SPAG16: variants seen among roughly 807,000 people sequenced by gnomAD.
SPAG16 encodes sperm associated antigen 16.
Under a neutral mutation model 80.4 loss-of-function variants are expected in SPAG16, and 86 were observed. The ratio of observed to expected loss-of-function variants is 1.07; its 90% confidence interval spans 0.90 to 1.28. SPAG16 has a LOEUF of 1.28. Among genes scored for constraint, SPAG16 ranks in the 50% most tolerant of loss-of-function variants. The pLI, the probability that SPAG16 is intolerant of heterozygous loss-of-function variation, is 0.00. For synonymous variants in SPAG16, 294 were observed against 265.9 expected, an observed-to-expected ratio of 1.11 and a Z score of -1.03; for missense variants, 870 against 765.3, an observed-to-expected ratio of 1.14 and a Z score of -1.61.
At chr2:213,849,927 C>G (rs530322193) in intron 10 of SPAG16, among the ~76,000 whole-genome samples, 1 of 152,070 alleles carries the variant, frequency 6.6e-6, no homozygotes, top group Non-Finnish European at 1.5e-5. Context: ...TGTAATGTAT[C>G]TTCTCAAACT....
chr2:213,478,821 A>C (rs1253501219), intron 9 of SPAG16, among the ~76,000 whole-genome samples: 1 of 152,144 alleles, frequency 6.6e-6, no homozygotes, highest in Non-Finnish European at 1.5e-5. Context: ...ATTCTTATCC[A>C]TTCATCTTCT....
At chr2:213,387,717 G>A (rs1218704112) in intron 9 of SPAG16, among the ~76,000 whole-genome samples, 3 of 151,534 alleles carry the variant, frequency 2.0e-5, no homozygotes, top group East Asian at 1.9e-4. Flanking sequence ...GCCTCCCAAA[G>A]TGCTGGGATT....
intron 9 of SPAG16, among the ~76,000 whole-genome samples, chr2:213,388,583 A>T (rs1171095630): frequency 6.6e-6 from 1 of 152,214 alleles, no homozygotes; most frequent in African/African-American, 2.4e-5. Flanking sequence ...TTAAAAAATA[A>T]ATAAACACAA....
chr2:214,141,441 C>A (rs955782358), intron 14 of SPAG16, among the ~76,000 whole-genome samples: 26 of 148,692 alleles, frequency 1.7e-4, no homozygotes, highest in African/African-American at 6.2e-4. Flanking sequence ...CACTCCAGCC[C>A]GGGTGACAGA....
chr2:213,661,245 G>A (rs970889980), intron 10 of SPAG16, among the ~76,000 whole-genome samples: 2 of 152,134 alleles, frequency 1.3e-5, no homozygotes, highest in African/African-American at 4.8e-5. Flanking sequence ...TGCCTCCATA[G>A]ACTTTAAAAG....
Position 213,862,495 on chromosome 2 carries a change from C to A in SPAG16, c.1081C>A (p.Gln361Lys), listed in dbSNP as rs774096226. The A allele has an allele frequency of 1.9e-6, 3 of 1,614,036 alleles. No homozygotes were observed. The highest frequency in any genetic ancestry group is 2.5e-6 in the Non-Finnish European group (3 of 1,179,906). ...TTTCTCCTCGCGCAGTGTCTCCATG[C>A]AACCCCACAAAGACATCCTAGTCTC... ...HELPVSCVSM[Q>K]PHKDILVSCG... Residue 361 changes from glutamine to lysine, a missense_variant, in exon 11 of 16, where the codon CAA becomes AAA. Coordinates refer to ENST00000331683, the MANE Select transcript of SPAG16 (RefSeq NM_024532.5).
chr2:213,988,988 G>A (rs1185098342), intron 12 of SPAG16, among the ~76,000 whole-genome samples: 1 of 152,090 alleles, frequency 6.6e-6, no homozygotes, highest in Non-Finnish European at 1.5e-5. Flanking sequence ...TATGGAAGTA[G>A]GCAGTGCAAG....
chr2:213,688,611 G>A (rs909999856), intron 10 of SPAG16, among the ~76,000 whole-genome samples: 1 of 152,004 alleles, frequency 6.6e-6, no homozygotes, highest in African/African-American at 2.4e-5. Context: ...TGGTTTGTAG[G>A]GCATGACTCC....
chr2:213,804,607 C>T (rs898533295), intron 10 of SPAG16, among the ~76,000 whole-genome samples: 1 of 152,154 alleles, frequency 6.6e-6, no homozygotes. Flanking sequence ...GGCGTGAACC[C>T]TGGAGGCGGA....
chr2:213,387,431 C>CTTTTTTTTT (rs71060428), intron 9 of SPAG16, among the ~76,000 whole-genome samples: 990 of 47,780 alleles, frequency 0.021, 211 homozygotes, highest in East Asian at 0.041. Context: ...AATGCATGCT[C>CTTTTTTTTT]TTTTTTTTTT....
intron 10 of SPAG16, among the ~76,000 whole-genome samples, chr2:213,756,188 A>T (rs1168113578): frequency 6.6e-6 from 1 of 152,140 alleles, no homozygotes; most frequent in African/African-American, 2.4e-5. Context: ...AAAAAAAGAA[A>T]AAAGTCTATG....
intron 15 of SPAG16, among the ~76,000 whole-genome samples, chr2:214,357,830 G>A (rs564713802): frequency 1.9e-4 from 29 of 151,912 alleles, no homozygotes; most frequent in Middle Eastern, 6.8e-3. Context: ...CTCTAGGGAA[G>A]GCTTATTCAT....
intron 13 of SPAG16, among the ~76,000 whole-genome samples, chr2:214,092,701 T>C (rs1020363401): frequency 1.3e-5 from 2 of 152,098 alleles, no homozygotes; most frequent in African/African-American, 4.8e-5. Context: ...GTCAGCTTCA[T>C]ACCCAACCTT....
Position 214,257,030 on chromosome 2 carries a change from G to A in SPAG16, c.1720+107764G>A, listed in dbSNP as rs146870881. Among the ~76,000 whole-genome samples, 256 of 151,926 alleles carry A rather than the reference G, an allele frequency of 1.7e-3. 1 individual carries two copies. The highest frequency in any genetic ancestry group is 5.2e-3 in the South Asian group (25 of 4,824). On this transcript the variant is annotated intron_variant, in intron 15 of 15. Transcript: ENST00000331683. ...AATTATATTTTGTATCTTGCAATCC[G>A]TGGAAATGATGAATCTCATGACTTA...
rs2061982094 is a variant in SPAG16, at chr2:213,284,592, G to A, written c.109G>A (p.Ala37Thr). The change falls in exon 1 of 16, where the codon GCG becomes ACG. Residue 37 changes from alanine to threonine, a missense_variant. Physicochemically the swap from Ala to Thr is moderately conservative, Grantham distance 58. Transcript: ENST00000331683. ...CGCGAGGGACACGGCGGACGCGGTG[G>A]CGGCTGAGGGCGCCTACTACCTGGA... The part of the protein sequence containing the change: ...GDARDTADAV[A>T]AEGAYYLEQV... The A allele has an allele frequency of 1.6e-5, 25 of 1,609,348 alleles. No individual in the cohort carries two copies. The highest frequency in any genetic ancestry group is 2.0e-5 in the Non-Finnish European group (24 of 1,178,592).
chr2:213,682,094 C>T (rs1231602761), intron 10 of SPAG16, among the ~76,000 whole-genome samples: 1 of 152,170 alleles, frequency 6.6e-6, no homozygotes, highest in Non-Finnish European at 1.5e-5. Context: ...TTCAAATAGG[C>T]TTATGTATCT....
chr2:213,700,018 T>C (rs1273154397), intron 10 of SPAG16, among the ~76,000 whole-genome samples: 2 of 152,260 alleles, frequency 1.3e-5, no homozygotes, highest in African/African-American at 2.4e-5. Flanking sequence ...AATAGTAGGC[T>C]ATGATTCCAA....
intron 15 of SPAG16, among the ~76,000 whole-genome samples, chr2:214,380,198 T>C (rs1249822238): frequency 6.6e-6 from 1 of 152,222 alleles, no homozygotes; most frequent in African/African-American, 2.4e-5. Context: ...CCTATAGTAA[T>C]GGCCTTTAAA....
At chr2:213,657,824 A>C (rs1334806024) in intron 10 of SPAG16, among the ~76,000 whole-genome samples, 1 of 150,538 alleles carries the variant, frequency 6.6e-6, no homozygotes, top group African/African-American at 2.5e-5. Flanking sequence ...CTTCTTTTAA[A>C]ATATTTTAGA....
Sources: gnomAD v4.1 joint callset for allele counts (sites outside exome capture counted in the v4.1 genomes callset) on GRCh38, gnomAD v4.1.1 for gene constraint, MANE v1.5 for transcripts, NCBI Gene and HGNC (gene_info 2026-07-23, HGNC 2026-07-21) for gene names.